Variants in SEPTIN14 observed in about 807,000 individuals in gnomAD.
SEPTIN14 encodes septin-14.
A neutral mutation model predicts 53.6 loss-of-function variants in SEPTIN14; 40 were observed. That is an observed-to-expected ratio of 0.75 (90% CI 0.58 to 0.97). SEPTIN14 has a LOEUF of 0.97. SEPTIN14 is among the 50% of genes least tolerant of loss of function. The pLI is 0.00. For missense variants in SEPTIN14, 471 were observed against 508.2 expected (o/e 0.93, Z 0.70); for synonymous variants, 138 against 166.8 (o/e 0.83, Z 1.33).
intron 6 of SEPTIN14, among the ~76,000 whole-genome samples, chr7:55,833,615 G>C (rs531807428): frequency 6.6e-6 from 1 of 151,894 alleles, no homozygotes; most frequent in Admixed American, 6.6e-5. Context: ...GGCTGAGGCA[G>C]GAGAATCACT....
At chr7:55,803,247 C>T (rs1030638750) in intron 9 of SEPTIN14, among the ~76,000 whole-genome samples, 2 of 152,008 alleles carry the variant, frequency 1.3e-5, no homozygotes, top group African/African-American at 2.4e-5. Flanking sequence ...TGAACCTGAA[C>T]ATTTTTTAAA....
chr7:55,800,282 T>C (rs1362859816), intron 9 of SEPTIN14, among the ~76,000 whole-genome samples: 2 of 152,158 alleles, frequency 1.3e-5, no homozygotes, highest in African/African-American at 4.8e-5. Flanking sequence ...AGGCACAGAA[T>C]GATAAACTTC....
chr7:55,796,553 C>T (rs1351180220), intron 9 of SEPTIN14, among the ~76,000 whole-genome samples: 7 of 151,936 alleles, frequency 4.6e-5, no homozygotes, highest in Admixed American at 1.3e-4. Flanking sequence ...GAAGCAAGGT[C>T]TCACTATGTT....
At position 55,834,408 on chromosome 7, in the gene SEPTIN14, A is replaced by G. The variant is rs1363522132; in HGVS notation, c.720+17T>C. The G allele has an allele frequency of 6.3e-7, 1 of 1,583,764 alleles. No individual in the cohort carries two copies. The highest frequency in any genetic ancestry group is 8.6e-7 in the Non-Finnish European group (1 of 1,167,078). ...CTCATTTCTAGCCTCTTTGTCAGAT[A>G]TGTTACTGAAACTTACACTAACTGA... On this transcript the variant is annotated intron_variant, in intron 6 of 9. Transcript: ENST00000388975.
chr7:55,861,529 C>T (rs954613059), intron 2 of SEPTIN14, among the ~76,000 whole-genome samples: 1 of 151,952 alleles, frequency 6.6e-6, no homozygotes, highest in African/African-American at 2.4e-5. Context: ...TTGCTCTAAC[C>T]TCACACTCAG....
chr7:55,800,425 A>C (rs1443028855), intron 9 of SEPTIN14, among the ~76,000 whole-genome samples: 1 of 152,160 alleles, frequency 6.6e-6, no homozygotes, highest in Non-Finnish European at 1.5e-5. Flanking sequence ...GGAGTTTGAG[A>C]CCAGCCTGGC....
chr7:55,811,791 A>C (rs1436064986), intron 7 of SEPTIN14, among the ~76,000 whole-genome samples: 27 of 139,208 alleles, frequency 1.9e-4, no homozygotes, highest in African/African-American at 7.0e-4. Context: ...GAGCCACCGC[A>C]CCCAGCATTT....
chr7:55,857,956 C>G (rs556679727), intron 2 of SEPTIN14, among the ~76,000 whole-genome samples: 1 of 152,250 alleles, frequency 6.6e-6, no homozygotes, highest in South Asian at 2.1e-4. Context: ...TTGAACTCAA[C>G]TAGACATTCA....
intron 7 of SEPTIN14, chr7:55,811,305 A>AT (rs1270132544): frequency 1.4e-5 from 7 of 511,864 alleles, no homozygotes; most frequent in Non-Finnish European, 2.8e-5. Flanking sequence ...AATTGGCTTG[A>AT]TTCGTATTTC....
chr7:55,839,426 C>T lies in SEPTIN14; in HGVS notation c.558+3516G>A, dbSNP rs192020429. On this transcript the variant is annotated intron_variant, in intron 5 of 9. Transcript: ENST00000388975. ...AAAAAAAAAGATATTTTGAGAGACG[C>T]AGGTAACTTTCACATAACTTTTAGT... 3.7e-3 allele frequency among the ~76,000 whole-genome samples: 565 copies of T among 151,116 alleles called. 6 individuals are homozygous for T. Among genetic ancestry groups the T allele is most frequent in the African/African-American group, 0.013 (552 of 41,228 alleles).
chr7:55,817,491 A>G (rs1303124461), intron 7 of SEPTIN14, among the ~76,000 whole-genome samples: 2 of 149,156 alleles, frequency 1.3e-5, no homozygotes, highest in East Asian at 2.0e-4. Context: ...TTTTTTTTGA[A>G]AAGGAGTCTC....
At chr7:55,825,946 C>CA (rs1192355449) in intron 6 of SEPTIN14, among the ~76,000 whole-genome samples, 2 of 151,972 alleles carry the variant, frequency 1.3e-5, no homozygotes, top group Admixed American at 6.6e-5. Flanking sequence ...AATCAAAATA[C>CA]AAAAAATTAG....
chr7:55,862,604 C>T (rs1789769398), intron 1 of SEPTIN14, 84 bp downstream of exon 1: 1 of 152,114 alleles, frequency 6.6e-6, no homozygotes, highest in South Asian at 2.1e-4. Flanking sequence ...TCTGTTAGTC[C>T]TCATAGTAGA....
At chr7:55,843,391 A>G (rs1789348863) in intron 4 of SEPTIN14, among the ~76,000 whole-genome samples, 1 of 152,228 alleles carries the variant, frequency 6.6e-6, no homozygotes, top group Admixed American at 6.5e-5. Context: ...CAAAGAATGC[A>G]AGCAACTAAA....
chr7:55,797,434 A>G (rs916699141), intron 9 of SEPTIN14, among the ~76,000 whole-genome samples: 10 of 152,360 alleles, frequency 6.6e-5, no homozygotes, highest in African/African-American at 2.4e-4. Context: ...CATAGACAAG[A>G]GAATCTTCAT....
At chr7:55,817,563 G>C (rs780096032) in intron 7 of SEPTIN14, among the ~76,000 whole-genome samples, 2 of 150,942 alleles carry the variant, frequency 1.3e-5, no homozygotes, top group African/African-American at 4.9e-5. Flanking sequence ...TCCACCTCCC[G>C]GGTTCACATC....
chr7:55,856,124 G>C (rs1225147462), intron 2 of SEPTIN14, among the ~76,000 whole-genome samples: 1 of 151,934 alleles, frequency 6.6e-6, no homozygotes, highest in Admixed American at 6.6e-5. Flanking sequence ...GTACTCAATA[G>C]GTAGATTTTC....
chr7:55,802,331 G>A (rs1199979679), intron 9 of SEPTIN14, among the ~76,000 whole-genome samples: 1 of 151,958 alleles, frequency 6.6e-6, no homozygotes, highest in Non-Finnish European at 1.5e-5. Context: ...AAATGCATTC[G>A]AAGAAGACAT....
intron 7 of SEPTIN14, chr7:55,810,936 C>T: frequency 2.6e-6 from 1 of 388,460 alleles, no homozygotes; most frequent in Non-Finnish European, 5.0e-6. Context: ...ACAGCTTGAC[C>T]TTTCCCTTCT....
Sources: allele counts gnomAD v4.1 joint callset (sites outside exome capture counted in the v4.1 genomes callset), GRCh38; gene constraint gnomAD v4.1.1; transcripts MANE v1.5; gene names NCBI Gene and HGNC (gene_info 2026-07-23, HGNC 2026-07-21).